Variants in PDCD6IP observed in about 807,000 individuals in gnomAD.
PDCD6IP encodes programmed cell death 6 interacting protein.
PDCD6IP carries 43 observed loss-of-function variants against 103.7 expected under a neutral mutation model. The observed-to-expected ratio is 0.41, with a 90% CI of 0.32 to 0.53. The LOEUF is 0.53. Ranked by LOEUF, PDCD6IP falls within the 20% of genes least tolerant of loss-of-function variation. The pLI is 0.16. For synonymous variants in PDCD6IP, 354 were observed against 378.7 expected, an observed-to-expected ratio of 0.93 and a Z score of 0.76; for missense variants, 871 against 1,036.7, an observed-to-expected ratio of 0.84 and a Z score of 2.20.
intron 2 of PDCD6IP, among the ~76,000 whole-genome samples, chr3:33,812,631 G>A (rs1696745414): frequency 6.6e-6 from 1 of 152,168 alleles, no homozygotes; most frequent in Non-Finnish European, 1.5e-5. Context: ...TTGGAGATTG[G>A]ATAAAGATTT....
chr3:33,802,189 C>G (rs1696490164), intron 1 of PDCD6IP, among the ~76,000 whole-genome samples: 2 of 152,120 alleles, frequency 1.3e-5, no homozygotes, highest in Non-Finnish European at 1.5e-5. Context: ...CAATCATATC[C>G]AAGTTCCAGG....
rs78244250 is a variant in PDCD6IP at position 33,807,552 on chromosome 3, GC to G, written c.210-4515del. On this transcript the variant is annotated intron_variant, in intron 1 of 17. Transcript: ENST00000307296. Reference sequence around the variant, plus strand: ...GACTCAGCAAATTATCTCACCTACGGCCCCCTGGGGCAGGTGCCCACAGTAG... The same window carrying G: ...GACTCAGCAAATTATCTCACCTACGGCCCCTGGGGCAGGTGCCCACAGTAG... 1.8e-3 allele frequency among the ~76,000 whole-genome samples: 265 copies of G among 145,686 alleles called. 1 individual carries two copies. Among genetic ancestry groups the G allele is most frequent in the African/African-American group, 6.4e-3 (259 of 40,418 alleles).
At chr3:33,801,662 A>G (rs1486281329) in intron 1 of PDCD6IP, among the ~76,000 whole-genome samples, 2 of 152,224 alleles carry the variant, frequency 1.3e-5, no homozygotes, top group African/African-American at 4.8e-5. Context: ...ACCCTTTTAT[A>G]TGATACTTCT....
intron 3 of PDCD6IP, among the ~76,000 whole-genome samples, chr3:33,815,602 T>C (rs916407458): frequency 3.3e-5 from 5 of 152,134 alleles, no homozygotes; most frequent in Non-Finnish European, 7.4e-5. Flanking sequence ...GACAAGCTAG[T>C]GTGTGCAAGT....
intron 7 of PDCD6IP, chr3:33,835,328 A>C (rs1697323161): frequency 1.8e-5 from 8 of 456,702 alleles, no homozygotes; most frequent in South Asian, 1.2e-4. Context: ...GGTGCATCTC[A>C]ATTCTCTGTG....
chr3:33,813,031 A>AT (rs751726681), intron 2 of PDCD6IP, among the ~76,000 whole-genome samples: 16 of 152,212 alleles, frequency 1.1e-4, no homozygotes, highest in Non-Finnish European at 2.2e-4. Context: ...TTTAATAAAC[A>AT]TTTAATTTTC....
intron 6 of PDCD6IP, chr3:33,827,557 G>A (rs1421670165): frequency 2.0e-5 from 3 of 152,092 alleles, no homozygotes; most frequent in African/African-American, 4.8e-5. Context: ...GGATTCTTGG[G>A]TATTAACAGC....
At chr3:33,834,269 A>G (rs1024321907) in intron 7 of PDCD6IP, among the ~76,000 whole-genome samples, 6 of 151,856 alleles carry the variant, frequency 4.0e-5, no homozygotes, top group Non-Finnish European at 5.9e-5. Flanking sequence ...AGGTTTTCTC[A>G]TCCTGTTTTG....
chr3:33,839,411 G>A (rs1396524865), intron 9 of PDCD6IP, among the ~76,000 whole-genome samples: 2 of 152,032 alleles, frequency 1.3e-5, no homozygotes, highest in Non-Finnish European at 2.9e-5. Context: ...TATATTATGT[G>A]TATCAGTTTC....
At chr3:33,864,188 C>G (rs1698017007) in intron 16 of PDCD6IP, 59 bp downstream of exon 16, 2 of 1,012,898 alleles carry the variant, frequency 2.0e-6, no homozygotes, top group African/African-American at 1.6e-5. Flanking sequence ...ATTACTTGTT[C>G]TAACGGATAA....
chr3:33,830,537 A>G (rs936839405), intron 7 of PDCD6IP, among the ~76,000 whole-genome samples: 2 of 152,172 alleles, frequency 1.3e-5, no homozygotes, highest in African/African-American at 2.4e-5. Flanking sequence ...AGTTATAGAC[A>G]CATAGATTTT....
At chr3:33,854,069 G>A in intron 14 of PDCD6IP, 56 bp downstream of exon 14, 1 of 1,493,258 alleles carries the variant, frequency 6.7e-7, no homozygotes, top group Non-Finnish European at 8.8e-7. Context: ...TGAACGCATA[G>A]TTTGGAAGTT....
chr3:33,865,612 T>G (rs982352701), intron 17 of PDCD6IP, among the ~76,000 whole-genome samples, 182 bp downstream of exon 17: 1 of 152,272 alleles, frequency 6.6e-6, no homozygotes, highest in African/African-American at 2.4e-5. Context: ...GATAGCTATT[T>G]CCTAGGCTTT....
At chr3:33,822,690 C>T (rs1697020182) in intron 4 of PDCD6IP, among the ~76,000 whole-genome samples, 1 of 152,032 alleles carries the variant, frequency 6.6e-6, no homozygotes. Context: ...GAGTCTTGTT[C>T]TGTTGCCCAG....
At chr3:33,860,662 T>C (rs1575947163) in intron 15 of PDCD6IP, among the ~76,000 whole-genome samples, 3 of 152,254 alleles carry the variant, frequency 2.0e-5, no homozygotes, top group African/African-American at 7.2e-5. Context: ...CTTCCATGAC[T>C]GGCTTTTATT....
chr3:33,856,586 T>TA, intron 15 of PDCD6IP, among the ~76,000 whole-genome samples: 1 of 152,192 alleles, frequency 6.6e-6, no homozygotes, highest in South Asian at 2.1e-4. Context: ...TATTTAATGA[T>TA]ACTCAAGAAC....
chr3:33,857,207 G>C (rs944953110), intron 15 of PDCD6IP, among the ~76,000 whole-genome samples: 1 of 152,088 alleles, frequency 6.6e-6, no homozygotes, highest in African/African-American at 2.4e-5. Flanking sequence ...TTTAGATGGA[G>C]TTTTGCTCTG....
intron 15 of PDCD6IP, among the ~76,000 whole-genome samples, chr3:33,862,745 A>C (rs1374677101): frequency 6.6e-6 from 1 of 152,188 alleles, no homozygotes; most frequent in Non-Finnish European, 1.5e-5. Context: ...ATTTTGTATA[A>C]ACACTGATAT....
intron 11 of PDCD6IP, among the ~76,000 whole-genome samples, chr3:33,844,633 A>G (rs1254889603): frequency 1.3e-5 from 2 of 152,060 alleles, no homozygotes; most frequent in East Asian, 3.9e-4. Context: ...GACATGTGCT[A>G]CCATGCCCGG....
Sources: gnomAD v4.1 joint callset for allele counts (sites outside exome capture counted in the v4.1 genomes callset) on GRCh38, gnomAD v4.1.1 for gene constraint, MANE v1.5 for transcripts, NCBI Gene and HGNC (gene_info 2026-07-23, HGNC 2026-07-21) for gene names.